SUPT3H: variants seen among roughly 807,000 people sequenced by gnomAD.
The protein encoded by SUPT3H is transcription initiation protein SPT3 homolog.
A neutral mutation model predicts 44.3 loss-of-function variants in SUPT3H; 44 were observed. The observed-to-expected ratio is 0.99, with a 90% confidence interval of 0.78 to 1.28. SUPT3H has a LOEUF of 1.28. Ranked by LOEUF, SUPT3H falls within the 50% of genes most tolerant of loss-of-function variation. The probability of loss-of-function intolerance (pLI) is 0.00; values close to 1 mark genes in which losing one functional copy is unlikely to be tolerated. For synonymous variants in SUPT3H, 124 were observed against 125.6 expected, an observed-to-expected ratio of 0.99 and a Z score of 0.09; for missense variants, 380 against 387.1, an observed-to-expected ratio of 0.98 and a Z score of 0.15.
intron 2 of SUPT3H, among the ~76,000 whole-genome samples, chr6:45,219,404 T>C (rs1007419560): frequency 4.0e-5 from 6 of 150,310 alleles, no homozygotes; most frequent in African/African-American, 7.3e-5. Flanking sequence ...CTAACAAAAA[T>C]AGAGAAAAGA....
intron 10 of SUPT3H, among the ~76,000 whole-genome samples, chr6:44,851,226 T>C (rs187443932): frequency 7.9e-5 from 12 of 152,340 alleles, no homozygotes; most frequent in Admixed American, 2.0e-4. Context: ...CATATAAAGA[T>C]GTACTTAAAT....
intron 2 of SUPT3H, among the ~76,000 whole-genome samples, chr6:45,310,289 A>C (rs955677069): frequency 6.6e-6 from 1 of 152,092 alleles, no homozygotes; most frequent in African/African-American, 2.4e-5. Context: ...GCCCAAGTAG[A>C]GTCTGAATTC....
chr6:45,263,694 G>A lies in SUPT3H; in HGVS notation c.101+101507C>T, dbSNP rs7764844. 5.7e-4 allele frequency among the ~76,000 whole-genome samples: 87 copies of A among 152,072 alleles called. 1 individual carries two copies. Among genetic ancestry groups the A allele is most frequent in the African/African-American group, 2.0e-3 (84 of 41,512 alleles). ...ACAGAAATGAACAAATGTAAAAAACGGACTTGCTGCATGATGATAAAGGGA... is the reference window on the plus strand; with the variant it reads ...ACAGAAATGAACAAATGTAAAAAACAGACTTGCTGCATGATGATAAAGGGA... On this transcript the variant is annotated intron_variant, in intron 2 of 10. Transcript: ENST00000371459.
intron 10 of SUPT3H, among the ~76,000 whole-genome samples, chr6:44,880,485 C>A (rs1010499297): frequency 2.6e-5 from 4 of 152,068 alleles, no homozygotes; most frequent in Admixed American, 2.0e-4. Context: ...GAGAATGGAA[C>A]CAAGTTGGAA....
intron 2 of SUPT3H, among the ~76,000 whole-genome samples, chr6:45,153,375 A>G (rs1807259515): frequency 6.6e-6 from 1 of 152,220 alleles, no homozygotes; most frequent in Non-Finnish European, 1.5e-5. Context: ...TAATAGGGAC[A>G]ACAATAATTA....
intron 2 of SUPT3H, among the ~76,000 whole-genome samples, chr6:45,177,031 C>T (rs990852405): frequency 3.0e-4 from 45 of 151,398 alleles, no homozygotes; most frequent in African/African-American, 9.4e-4. Flanking sequence ...TCCAAAGGAA[C>T]GCAGTTCCTC....
chr6:45,193,199 A>G (rs935171826), intron 2 of SUPT3H, among the ~76,000 whole-genome samples: 7 of 152,160 alleles, frequency 4.6e-5, no homozygotes, highest in African/African-American at 1.7e-4. Context: ...TCAGAATAAC[A>G]CATGTACACC....
intron 2 of SUPT3H, among the ~76,000 whole-genome samples, chr6:45,237,270 G>A (rs1039708662): frequency 6.6e-6 from 1 of 152,186 alleles, no homozygotes. Context: ...AGCATTGGCT[G>A]TTCACGTAGT....
intron 2 of SUPT3H, among the ~76,000 whole-genome samples, chr6:45,263,971 T>C (rs1774830793): frequency 6.6e-6 from 1 of 152,162 alleles, no homozygotes; most frequent in South Asian, 2.1e-4. Context: ...ATCATTTGAA[T>C]ACCTTCCAGA....
At chr6:45,062,730 C>T (rs1021221289) in intron 3 of SUPT3H, among the ~76,000 whole-genome samples, 14 of 152,118 alleles carry the variant, frequency 9.2e-5, no homozygotes, top group Non-Finnish European at 2.1e-4. Flanking sequence ...GTCACTCCCA[C>T]CCGAATATTG....
intron 10 of SUPT3H, among the ~76,000 whole-genome samples, chr6:44,847,655 T>A (rs1446059619): frequency 6.6e-6 from 1 of 151,998 alleles, no homozygotes; most frequent in Non-Finnish European, 1.5e-5. Context: ...GCCCAGCTAA[T>A]TTTTGTATTT....
intron 3 of SUPT3H, among the ~76,000 whole-genome samples, chr6:45,075,913 ATGCCATG>A (rs1794948984): frequency 6.6e-6 from 1 of 152,154 alleles, no homozygotes; most frequent in Non-Finnish European, 1.5e-5. Context: ...ATTATAATAA[ATGCCATG>A]TGTCAAAGGG....
intron 10 of SUPT3H, among the ~76,000 whole-genome samples, chr6:44,930,806 T>C (rs1024674018): frequency 1.1e-4 from 17 of 152,328 alleles, no homozygotes; most frequent in East Asian, 5.8e-4. Flanking sequence ...TAGATGTATT[T>C]AAATTAAGCA....
chr6:44,911,548 G>T (rs1190901498), intron 10 of SUPT3H, among the ~76,000 whole-genome samples: 1 of 152,158 alleles, frequency 6.6e-6, no homozygotes, highest in African/African-American at 2.4e-5. Context: ...TTGCCCTTCA[G>T]ATGATTTTAA....
At chr6:44,823,281 G>A (rs141745935), downstream of SUPT3H, among the ~76,000 whole-genome samples, 76 of 152,174 alleles carry the variant, frequency 5.0e-4, no homozygotes, top group African/African-American at 1.8e-3. Flanking sequence ...AGGAAGCAGA[G>A]AGAACAACAA....
At chr6:45,319,893 G>T (rs1232423873) in intron 2 of SUPT3H, among the ~76,000 whole-genome samples, 2 of 152,090 alleles carry the variant, frequency 1.3e-5, no homozygotes, top group African/African-American at 4.8e-5. Context: ...CATTTCTGTG[G>T]ATAATAAGTA....
chr6:45,213,660 T>G (rs1764501064), intron 2 of SUPT3H, among the ~76,000 whole-genome samples: 1 of 152,096 alleles, frequency 6.6e-6, no homozygotes, highest in Non-Finnish European at 1.5e-5. Context: ...TTTTAAGGAT[T>G]ATATCCTACG....
At chr6:44,876,634 CCTAAAA>C (rs370093193) in intron 10 of SUPT3H, among the ~76,000 whole-genome samples, 5,456 of 148,648 alleles carry the variant, frequency 0.037, 138 homozygotes, top group Middle Eastern at 0.059. Context: ...GCACATGTAC[CCTAAAA>C]CTTAAAGTAT....
intron 2 of SUPT3H, among the ~76,000 whole-genome samples, chr6:45,305,254 C>A (rs1466129217): frequency 6.6e-6 from 1 of 152,178 alleles, no homozygotes; most frequent in Admixed American, 6.5e-5. Flanking sequence ...CATCTCACCA[C>A]CTGTATTACA....
Sources: gnomAD v4.1 joint callset for allele counts (sites outside exome capture counted in the v4.1 genomes callset) on GRCh38, gnomAD v4.1.1 for gene constraint, MANE v1.5 for transcripts, NCBI Gene and HGNC (gene_info 2026-07-23, HGNC 2026-07-21) for gene names.